Variants in FCHSD2 observed in about 807,000 individuals in gnomAD.
FCHSD2 encodes FCH and double SH3 domains 2, also known as F-BAR and double SH3 domains protein 2.
FCHSD2 carries 38 observed loss-of-function variants against 108.1 expected under a neutral mutation model. The ratio of observed to expected loss-of-function variants is 0.35; its 90% CI spans 0.27 to 0.46. The LOEUF (loss-of-function observed/expected upper bound fraction) is 0.46, where lower values mean the gene tolerates loss of function less well. FCHSD2 is among the 20% of genes least tolerant of loss of function. The pLI is 1.00. For synonymous variants in FCHSD2, 279 were observed against 314.7 expected (o/e 0.89, Z 1.20); for missense variants, 751 against 897.8 (o/e 0.84, Z 2.09).
intron 8 of FCHSD2, among the ~76,000 whole-genome samples, chr11:72,942,931 C>T (rs1356674597): frequency 6.6e-6 from 1 of 152,140 alleles, no homozygotes; most frequent in African/African-American, 2.4e-5. Context: ...GTGCATACTT[C>T]CCAAAGTGCT....
intron 2 of FCHSD2, among the ~76,000 whole-genome samples, chr11:73,114,718 A>G (rs1211914627): frequency 1.3e-5 from 2 of 152,208 alleles, no homozygotes; most frequent in East Asian, 1.9e-4. Context: ...GTGTGTCTAC[A>G]TATGTCATCC....
At chr11:73,018,422 A>G (rs1368089098) in intron 3 of FCHSD2, among the ~76,000 whole-genome samples, 4 of 151,976 alleles carry the variant, frequency 2.6e-5, no homozygotes, top group East Asian at 1.9e-4. Flanking sequence ...GCCCTCTCAC[A>G]TAACTCTATT....
intron 8 of FCHSD2, among the ~76,000 whole-genome samples, chr11:72,926,373 G>A (rs1419920373): frequency 2.0e-5 from 3 of 152,192 alleles, no homozygotes; most frequent in Non-Finnish European, 4.4e-5. Flanking sequence ...AGGGTAGAGA[G>A]AGGATGGCAT....
intron 10 of FCHSD2, among the ~76,000 whole-genome samples, chr11:72,900,639 G>C (rs1855508053): frequency 6.7e-6 from 1 of 149,518 alleles, no homozygotes; most frequent in Non-Finnish European, 1.5e-5. Flanking sequence ...AATCACAGGA[G>C]AATGTGAATA....
chr11:73,070,623 A>C (rs1405603420), intron 3 of FCHSD2, among the ~76,000 whole-genome samples: 1 of 151,612 alleles, frequency 6.6e-6, no homozygotes, highest in African/African-American at 2.4e-5. Flanking sequence ...ATGGGGTTTC[A>C]CCATGCTGGC....
At chr11:73,141,383 C>A (rs977243010) in intron 1 of FCHSD2, 2 of 158,130 alleles carry the variant, frequency 1.3e-5, no homozygotes, top group Admixed American at 6.5e-5. Context: ...GAAAAGCAGG[C>A]CAAACCCTAA....
intron 2 of FCHSD2, among the ~76,000 whole-genome samples, chr11:73,108,072 G>T (rs1397463652): frequency 6.6e-6 from 1 of 152,058 alleles, no homozygotes; most frequent in Non-Finnish European, 1.5e-5. Flanking sequence ...ATCCTTGCCG[G>T]TGTTTGTTAC....
In FCHSD2 at chr11:72,952,112, A is replaced by G. The variant is rs536714040; in HGVS notation, c.706-30162T>C. Reference sequence around the variant, plus strand: ...ACAAGATTAGACAGGAAGAGCACCCATGAGTTTAATGCTTGGAAACTCCCT... The same window carrying G: ...ACAAGATTAGACAGGAAGAGCACCCGTGAGTTTAATGCTTGGAAACTCCCT... On this transcript the variant is annotated intron_variant, in intron 8 of 19. Transcript: ENST00000409418. Among the ~76,000 whole-genome samples the G allele has an allele frequency of 4.6e-5, 7 of 152,290 alleles. No homozygotes were observed. In the East Asian group the frequency reaches 1.4e-3, roughly 29 times the overall value.
intron 2 of FCHSD2, among the ~76,000 whole-genome samples, chr11:73,107,652 C>G (rs937137125): frequency 2.6e-5 from 4 of 152,228 alleles, no homozygotes; most frequent in Non-Finnish European, 5.9e-5. Flanking sequence ...TCCATGAGTT[C>G]AAATGTTTTC....
intron 12 of FCHSD2, among the ~76,000 whole-genome samples, chr11:72,878,624 T>G (rs1855018351): frequency 6.6e-6 from 1 of 152,192 alleles, no homozygotes; most frequent in Admixed American, 6.5e-5. Flanking sequence ...TTGAATGGAC[T>G]CCCAGTTTTA....
chr11:72,941,134 T>A, intron 8 of FCHSD2: 1 of 476,842 alleles, frequency 2.1e-6, no homozygotes, highest in Non-Finnish European at 3.8e-6. Flanking sequence ...TTTGTAAAAT[T>A]CATACCTCAT....
chr11:73,014,234 C>G (rs552075437), intron 4 of FCHSD2, among the ~76,000 whole-genome samples: 1 of 147,900 alleles, frequency 6.8e-6, no homozygotes, highest in East Asian at 2.0e-4. Flanking sequence ...TGGGCTCAAG[C>G]GATCGTCCTG....
At chr11:73,068,718 C>A (rs1264426577) in intron 3 of FCHSD2, among the ~76,000 whole-genome samples, 18 of 150,044 alleles carry the variant, frequency 1.2e-4, no homozygotes, top group African/African-American at 4.4e-4. Context: ...GTCTGTAATC[C>A]CAACACTTTG....
intron 2 of FCHSD2, among the ~76,000 whole-genome samples, chr11:73,112,766 AGCCTC>A (rs1418180003): frequency 2.0e-4 from 30 of 152,172 alleles, no homozygotes; most frequent in African/African-American, 7.2e-4. Context: ...CTCCTGCCTC[AGCCTC>A]CTGAGTAGCT....
chr11:72,930,114 T>A (rs910458169), intron 8 of FCHSD2, among the ~76,000 whole-genome samples: 2 of 152,178 alleles, frequency 1.3e-5, no homozygotes, highest in African/African-American at 4.8e-5. Context: ...TCTTGTCATA[T>A]CCAACTAAAT....
At chr11:72,867,796 G>C in intron 13 of FCHSD2, 69 bp downstream of exon 13, 1 of 1,404,868 alleles carries the variant, frequency 7.1e-7, no homozygotes, top group Non-Finnish European at 9.6e-7. Flanking sequence ...CTATTATTAA[G>C]TTTGACTACA....
At chr11:72,845,551 A>G (rs1486277016) in intron 14 of FCHSD2, among the ~76,000 whole-genome samples, 1 of 152,030 alleles carries the variant, frequency 6.6e-6, no homozygotes, top group Non-Finnish European at 1.5e-5. Context: ...CACTAGCTTG[A>G]TCATCCCATC....
At chr11:72,956,504 C>A (rs967431868) in intron 8 of FCHSD2, among the ~76,000 whole-genome samples, 1 of 152,200 alleles carries the variant, frequency 6.6e-6, no homozygotes, top group Non-Finnish European at 1.5e-5. Flanking sequence ...TTATTATAAT[C>A]AACTTTGACT....
chr11:73,040,508 TTATCAA>T (rs1240932073), intron 3 of FCHSD2, among the ~76,000 whole-genome samples: 5 of 152,220 alleles, frequency 3.3e-5, no homozygotes, highest in African/African-American at 4.8e-5. Flanking sequence ...GATCTACCTC[TTATCAA>T]TATCAAGTCC....
Sources: allele counts gnomAD v4.1 joint callset (sites outside exome capture counted in the v4.1 genomes callset), GRCh38; gene constraint gnomAD v4.1.1; transcripts MANE v1.5; gene names NCBI Gene and HGNC (gene_info 2026-07-23, HGNC 2026-07-21).